Variants in SAAL1 observed in about 807,000 individuals in gnomAD.
SAAL1 encodes the protein protein SAAL1.
SAAL1 carries 42 observed loss-of-function variants against 59.8 expected under a neutral mutation model. The observed-to-expected ratio is 0.70, with a 90% confidence interval of 0.55 to 0.91. The LOEUF (loss-of-function observed/expected upper bound fraction) is 0.91. SAAL1 is among the 40% of genes least tolerant of loss of function. SAAL1 has a pLI of 0.00. For missense variants in SAAL1, 542 were observed against 561.1 expected (o/e 0.97, Z 0.34); for synonymous variants, 191 against 194.3 (o/e 0.98, Z 0.14).
chr11:18,094,964 C>T (rs1848557354), intron 3 of SAAL1, among the ~76,000 whole-genome samples: 1 of 152,214 alleles, frequency 6.6e-6, no homozygotes, highest in South Asian at 2.1e-4. Flanking sequence ...TCTGCTTTAA[C>T]TCATCTAGGG....
In SAAL1 at chr11:18,086,978, A is replaced by T. The variant is rs747789123; in HGVS notation, c.930T>A (p.Asp310Glu). The T allele has an allele frequency of 6.2e-6, 10 of 1,613,886 alleles. No individual in the cohort carries two copies. The highest frequency in any genetic ancestry group is 8.5e-6 in the Non-Finnish European group (10 of 1,179,842). The change falls in exon 9 of 12, where the codon GAT becomes GAA. Residue 310 changes from aspartate to glutamate, a missense_variant. Asp to Glu is a conservative substitution (Grantham distance 45, BLOSUM62 2). Transcript: ENST00000524803. Reference sequence around the variant, plus strand: ...GTTCTTGAAGAATGATGGGTGGATCATCAGACTGGCAGAATTCATGGCAGA... The same window carrying T: ...GTTCTTGAAGAATGATGGGTGGATCTTCAGACTGGCAGAATTCATGGCAGA... ...DLVCHEFCQS[D>E]DPPIILQEQK...
rs770086060 is a variant in SAAL1 at position 18,086,981 on chromosome 11, A to G, written c.927T>C (p.Ser309=). The change falls in exon 9 of 12, where the codon TCT becomes TCC. Residue 309 remains serine (S), a synonymous_variant. Coordinates refer to ENST00000524803, the MANE Select transcript of SAAL1 (RefSeq NM_138421.3). ...CTTGAAGAATGATGGGTGGATCATCAGACTGGCAGAATTCATGGCAGACCA... is the reference window on the plus strand; with the variant it reads ...CTTGAAGAATGATGGGTGGATCATCGGACTGGCAGAATTCATGGCAGACCA... ...FDLVCHEFCQ[S]DDPPIILQEQ... 4 of 1,613,988 alleles carry G rather than the reference A, an allele frequency of 2.5e-6. No homozygotes were observed. Among genetic ancestry groups the G allele is most frequent in the Non-Finnish European group, 3.4e-6 (4 of 1,179,826 alleles).
At chr11:18,096,992 T>C (rs990291056) in intron 2 of SAAL1, 138 bp from the exon 3 acceptor site, 9 of 603,360 alleles carry the variant, frequency 1.5e-5, no homozygotes, top group Admixed American at 9.8e-5. Flanking sequence ...TCCTAGCACA[T>C]TGGGAGGCCA....
rs760615367 is a variant in SAAL1, at chr11:18,080,406, T to C, written c.1418A>G (p.Gln473Arg). Residue 473 changes from glutamine (Q) to arginine (R), a missense_variant, in exon 12 of 12, where the codon CAG (glutamine) becomes CGG (arginine). Transcript: ENST00000524803. Reference protein sequence around the residue: ...LEKNFPSLKVQT With the variant: ...LEKNFPSLKVRT ...GTAATTCCAATTCAGGTTTTAAGTCTGAACCTTCAAACTTGGGAAGTTTTT... is the reference window on the plus strand; with the variant it reads ...GTAATTCCAATTCAGGTTTTAAGTCCGAACCTTCAAACTTGGGAAGTTTTT... The C allele has an allele frequency of 6.3e-7, 1 of 1,587,378 alleles. No individual in the cohort carries two copies. Among genetic ancestry groups the C allele is most frequent in the East Asian group, 2.3e-5 (1 of 44,246 alleles).
rs749070840 is a variant in SAAL1 at position 18,105,896 on chromosome 11, A to G, written c.135+11T>C. 19 of 1,589,250 alleles carry G rather than the reference A, an allele frequency of 1.2e-5. No individual in the cohort carries two copies. The South Asian group carries it at 1.9e-4, about 16-fold the overall frequency. On this transcript the variant is annotated intron_variant, in intron 1 of 11. Coordinates refer to ENST00000524803, the MANE Select transcript of SAAL1 (RefSeq NM_138421.3). Reference sequence around the variant, plus strand: ...GTAGGGACACCCCACGCGTGGCGCGAGTTTCCACACCTGGATGAGTCCGCT... The same window carrying G: ...GTAGGGACACCCCACGCGTGGCGCGGGTTTCCACACCTGGATGAGTCCGCT...
At chr11:18,099,848 C>T (rs942738668) in intron 2 of SAAL1, among the ~76,000 whole-genome samples, 4 of 152,194 alleles carry the variant, frequency 2.6e-5, no homozygotes, top group Non-Finnish European at 5.9e-5. Context: ...CTCTGGTCCT[C>T]GCACACTGAA....
At chr11:18,100,441 T>C (rs896525909) in intron 2 of SAAL1, among the ~76,000 whole-genome samples, 1 of 152,226 alleles carries the variant, frequency 6.6e-6, no homozygotes, top group Non-Finnish European at 1.5e-5. Flanking sequence ...GAAAGTATTC[T>C]GAACTTCTGC....
At chr11:18,097,680 A>C (rs1848591558) in intron 2 of SAAL1, among the ~76,000 whole-genome samples, 1 of 151,978 alleles carries the variant, frequency 6.6e-6, no homozygotes. Flanking sequence ...ATCCACAAAA[A>C]ATACGAAAAT....
intron 9 of SAAL1, among the ~76,000 whole-genome samples, chr11:18,084,390 C>T (rs1302793043): frequency 6.6e-6 from 1 of 152,192 alleles, no homozygotes; most frequent in Non-Finnish European, 1.5e-5. Context: ...TGCTTAAAAC[C>T]CACCATGGTT....
chr11:18,099,522 G>T (rs917554077), intron 2 of SAAL1, among the ~76,000 whole-genome samples: 5 of 152,188 alleles, frequency 3.3e-5, no homozygotes, highest in African/African-American at 1.2e-4. Context: ...ATATGTGCTA[G>T]AAACCAAGAT....
At chr11:18,088,619 T>C (rs1039538227) in intron 7 of SAAL1, among the ~76,000 whole-genome samples, 3 of 152,196 alleles carry the variant, frequency 2.0e-5, no homozygotes, top group South Asian at 2.1e-4. Context: ...GGGAGTTGAC[T>C]GCAATGGGAA....
intron 10 of SAAL1, 31 bp downstream of exon 10, chr11:18,083,504 G>T: frequency 7.5e-7 from 1 of 1,333,688 alleles, no homozygotes; most frequent in Non-Finnish European, 1.0e-6. Flanking sequence ...ACTTTCTTTT[G>T]CTTATGACAT....
In SAAL1 at chr11:18,105,912, T is replaced by A; in HGVS notation, c.130A>T (p.Ile44Phe). ...CGTGGCGCGAGTTTCCACACCTGGATGAGTCCGCTGAGGACGCCGAAGAGC... is the reference window on the plus strand; with the variant it reads ...CGTGGCGCGAGTTTCCACACCTGGAAGAGTCCGCTGAGGACGCCGAAGAGC... ...HWLFGVLSGL[I>F]QIVSPENTKS... Residue 44 changes from isoleucine (I) to phenylalanine (F), a missense_variant, in exon 1 of 12, where the codon ATC (isoleucine) becomes TTC (phenylalanine). Ile to Phe is a conservative substitution (Grantham distance 21). Transcript: ENST00000524803. 6.2e-7 allele frequency: 1 copy of A among 1,600,484 alleles called. No homozygotes were observed. Among genetic ancestry groups the A allele is most frequent in the South Asian group, 1.1e-5 (1 of 88,630 alleles).
intron 7 of SAAL1, 91 bp downstream of exon 7, chr11:18,089,239 G>A (rs990238332): frequency 1.8e-6 from 2 of 1,139,032 alleles, no homozygotes; most frequent in South Asian, 3.5e-5. Context: ...ACTTTATTCT[G>A]TTGTAAGGAA....
At chr11:18,082,474 C>T (rs1039278713) in intron 10 of SAAL1, among the ~76,000 whole-genome samples, 2 of 152,086 alleles carry the variant, frequency 1.3e-5, no homozygotes, top group Non-Finnish European at 2.9e-5. Context: ...ATATGGCCAT[C>T]ATGACTTAGC....
At chr11:18,103,138 C>T (rs1235035183) in intron 2 of SAAL1, 95 bp downstream of exon 2, 6 of 823,602 alleles carry the variant, frequency 7.3e-6, no homozygotes, top group Non-Finnish European at 1.3e-5. Context: ...GGAGATAAAG[C>T]CTTTCCCCAG....
chr11:18,103,637 T>C (rs1231876701), intron 1 of SAAL1, among the ~76,000 whole-genome samples: 4 of 152,214 alleles, frequency 2.6e-5, no homozygotes, highest in Non-Finnish European at 4.4e-5. Context: ...GTACCTGTGA[T>C]GGGATGGCAT....
intron 10 of SAAL1, among the ~76,000 whole-genome samples, chr11:18,082,160 C>T (rs1009387259): frequency 3.3e-5 from 5 of 152,006 alleles, no homozygotes; most frequent in African/African-American, 1.2e-4. Context: ...TAAGAAATAT[C>T]GATGTCCCTT....
At chr11:18,103,825 A>C (rs1848660894) in intron 1 of SAAL1, among the ~76,000 whole-genome samples, 1 of 152,232 alleles carries the variant, frequency 6.6e-6, no homozygotes, top group African/African-American at 2.4e-5. Context: ...ATGTGGTAGG[A>C]AAGTGCTCAG....
Sources: allele counts gnomAD v4.1 joint callset (sites outside exome capture counted in the v4.1 genomes callset), GRCh38; gene constraint gnomAD v4.1.1; transcripts MANE v1.5; gene names NCBI Gene and HGNC (gene_info 2026-07-23, HGNC 2026-07-21).